LAMC2: variants seen among roughly 807,000 people sequenced by gnomAD.
The protein encoded by LAMC2 is laminin subunit gamma-2.
LAMC2 carries 97 observed loss-of-function variants against 140.2 expected under a neutral mutation model. That is an observed-to-expected ratio of 0.69 (90% CI 0.59 to 0.82). LAMC2 has a LOEUF of 0.82. LAMC2 is among the 40% of genes least tolerant of loss of function. LAMC2 has a pLI of 0.00. For missense variants in LAMC2, 1,402 were observed against 1,476.1 expected (o/e 0.95, Z 0.82); for synonymous variants, 513 against 540.2 (o/e 0.95, Z 0.70).
the LAMC2 span, chr1:183,252,894 C>T: frequency 5.0e-6 from 3 of 605,716 alleles, no homozygotes; most frequent in Non-Finnish European, 5.9e-6. Context: ...CTTGCCTCCA[C>T]AACTCCTTCC....
chr1:183,218,253 G>A lies in LAMC2; in HGVS notation c.405-137G>A, dbSNP rs1036723713. Reference sequence around the variant, plus strand: ...GTGTGTGAGAGAGGTCCGCACGGGCGAGGATGGCTAGGAGAAGCCTCATCG... The same window carrying A: ...GTGTGTGAGAGAGGTCCGCACGGGCAAGGATGGCTAGGAGAAGCCTCATCG... On this transcript the variant is annotated intron_variant, in intron 3 of 22. Transcript: ENST00000264144. The A allele has an allele frequency of 6.2e-5, 45 of 731,618 alleles. No individual in the cohort carries two copies. In the East Asian group the frequency reaches 9.3e-4, roughly 15 times the overall value. The allele number at this position is 731,618 out of a possible 1,614,324, so 45.3% of individuals were successfully genotyped here.
chr1:183,252,605 G>A, the LAMC2 span: 2 of 1,370,648 alleles, frequency 1.5e-6, no homozygotes, highest in Non-Finnish European at 1.0e-6. Context: ...TGACAAAGAT[G>A]GAGGGGCCAT....
At chr1:183,258,466 G>T in the LAMC2 span, among the ~76,000 whole-genome samples, 11 of 152,204 alleles carry the variant, frequency 7.2e-5, no homozygotes, top group Non-Finnish European at 1.3e-4. Context: ...TGTTCCTGGT[G>T]TAGGCTGAAC....
chr1:183,240,817 T>G (rs1012493626), intron 22 of LAMC2: 4 of 410,876 alleles, frequency 9.7e-6, no homozygotes, highest in African/African-American at 8.5e-5. Flanking sequence ...GAAGAGGGGG[T>G]TAGAGAGAAG....
chr1:183,198,302 C>T (rs1296840083), intron 1 of LAMC2, among the ~76,000 whole-genome samples: 1 of 151,950 alleles, frequency 6.6e-6, no homozygotes, highest in Non-Finnish European at 1.5e-5. Flanking sequence ...CCACCACACC[C>T]GGCTAATTTT....
chr1:183,230,028 C>T (rs1254958168), intron 11 of LAMC2, among the ~76,000 whole-genome samples: 1 of 152,182 alleles, frequency 6.6e-6, no homozygotes, highest in Admixed American at 6.5e-5. Flanking sequence ...ATATTTAACT[C>T]GAAGTGGTGG....
intron 1 of LAMC2, among the ~76,000 whole-genome samples, chr1:183,205,686 G>T (rs568050376): frequency 2.6e-5 from 4 of 152,286 alleles, no homozygotes; most frequent in African/African-American, 9.6e-5. Flanking sequence ...TAAGGAGGGA[G>T]ATGCCATAGC....
chr1:183,231,223 A>G, intron 12 of LAMC2, 120 bp downstream of exon 12: 2 of 1,162,434 alleles, frequency 1.7e-6, no homozygotes, highest in South Asian at 2.6e-5. Flanking sequence ...AGTAGTGATT[A>G]CTATTTCTGT....
chr1:183,191,417 T>C (rs1413634702), intron 1 of LAMC2, among the ~76,000 whole-genome samples: 1 of 152,048 alleles, frequency 6.6e-6, no homozygotes, highest in Non-Finnish European at 1.5e-5. Flanking sequence ...AGTCAGGGCA[T>C]AAAGTTAAGG....
chr1:183,186,697 A>G (rs1336538698), intron 1 of LAMC2, among the ~76,000 whole-genome samples: 1 of 152,086 alleles, frequency 6.6e-6, no homozygotes, highest in Non-Finnish European at 1.5e-5. Flanking sequence ...TTCCTTCTTG[A>G]TGTCTTTTTT....
intron 1 of LAMC2, among the ~76,000 whole-genome samples, chr1:183,191,498 C>CT (rs58871555): frequency 0.24 from 33,028 of 138,750 alleles, 4,664 homozygotes; most frequent in African/African-American, 0.4. Flanking sequence ...AACTTACTGA[C>CT]TTTTTTTTTT....
intron 19 of LAMC2, among the ~76,000 whole-genome samples, chr1:183,238,997 A>C (rs182489737): frequency 6.6e-6 from 1 of 152,386 alleles, no homozygotes; most frequent in Admixed American, 6.5e-5. Flanking sequence ...CTTCATGGAA[A>C]GTACTTCTCT....
At chr1:183,205,859 G>A (rs1658869561) in intron 1 of LAMC2, among the ~76,000 whole-genome samples, 1 of 152,044 alleles carries the variant, frequency 6.6e-6, no homozygotes, top group African/African-American at 2.4e-5. Flanking sequence ...TGTGTGTGTT[G>A]TGTGTGTATG....
chr1:183,258,399 A>C, the LAMC2 span, among the ~76,000 whole-genome samples: 1 of 152,156 alleles, frequency 6.6e-6, no homozygotes, highest in Non-Finnish European at 1.5e-5. Context: ...TGACTGAGGC[A>C]GTGAAAGAGA....
the LAMC2 span, among the ~76,000 whole-genome samples, chr1:183,255,371 C>A: frequency 6.6e-6 from 1 of 151,532 alleles, no homozygotes; most frequent in Non-Finnish European, 1.5e-5. Flanking sequence ...CTTTTTTTTT[C>A]TCATAATTGC....
intron 7 of LAMC2, among the ~76,000 whole-genome samples, chr1:183,224,835 G>A (rs1172643011): frequency 6.6e-6 from 1 of 152,124 alleles, no homozygotes; most frequent in Non-Finnish European, 1.5e-5. Context: ...CAGTCACTTT[G>A]TTTTTCCATG....
intron 22 of LAMC2, among the ~76,000 whole-genome samples, chr1:183,241,516 A>G (rs755300555): frequency 6.6e-6 from 1 of 152,222 alleles, no homozygotes; most frequent in Non-Finnish European, 1.5e-5. Flanking sequence ...GGTAGAGCTG[A>G]TATCAAACCC....
Position 183,228,891 on chromosome 1 carries a change from G to A in LAMC2, c.1714+272G>A, listed in dbSNP as rs3768596. On this transcript the variant is annotated intron_variant, in intron 11 of 22. Coordinates refer to ENST00000264144, the MANE Select transcript of LAMC2 (RefSeq NM_005562.3). The surrounding 1 kb of genome is among the most constrained non-coding windows in gnomAD (Gnocchi z 4.3). ...TTTACATTCCTACGCGGAAAAGGATGTAACACGGGGCCACATCCTATGCCC... is the reference window on the plus strand; with the variant it reads ...TTTACATTCCTACGCGGAAAAGGATATAACACGGGGCCACATCCTATGCCC... 4.0e-4 allele frequency among the ~76,000 whole-genome samples: 61 copies of A among 152,302 alleles called. 2 individuals are homozygous for A. In the East Asian group the frequency reaches 0.011, roughly 27 times the overall value.
rs1374640616 is a variant in LAMC2 at position 183,223,226 on chromosome 1, T to C, written c.855T>C (p.His285=). The change falls in exon 7 of 23, where the codon CAT becomes CAC. Residue 285 remains histidine, a synonymous_variant. Coordinates refer to ENST00000264144, the MANE Select transcript of LAMC2 (RefSeq NM_005562.3). The part of the protein sequence containing the change: ...VDRGGRHPSA[H]DVILEGAGLR... The stretch of plus-strand genomic sequence containing the variant: ...GAGGAGGCAGACACCCATCTGCCCA[T>C]GATGTGATTCTGGAAGGTGCTGGTC... 2 of 1,614,206 alleles carry C rather than the reference T, an allele frequency of 1.2e-6. No individual in the cohort carries two copies. Among genetic ancestry groups the C allele is most frequent in the African/African-American group, 1.3e-5 (1 of 75,066 alleles).
Sources: gnomAD v4.1 joint callset for allele counts (sites outside exome capture counted in the v4.1 genomes callset) on GRCh38, gnomAD v4.1.1 for gene constraint, Gnocchi (gnomAD v3.1) non-coding constraint, MANE v1.5 for transcripts, NCBI Gene and HGNC (gene_info 2026-07-23, HGNC 2026-07-21) for gene names.